CPNE4: variants seen among roughly 807,000 people sequenced by gnomAD.
CPNE4 encodes copine-4.
In CPNE4, 25 loss-of-function variants were observed where a neutral mutation model predicts 67.9. That is an observed-to-expected ratio of 0.37 (90% CI 0.27 to 0.51). The LOEUF (loss-of-function observed/expected upper bound fraction) is 0.51. Among genes scored for constraint, CPNE4 ranks in the 20% least tolerant of loss-of-function variants. The pLI is 0.93. For missense variants in CPNE4, 464 were observed against 690.8 expected (o/e 0.67, Z 3.68); for synonymous variants, 242 against 244.9 (o/e 0.99, Z 0.11).
intron 2 of CPNE4, among the ~76,000 whole-genome samples, chr3:131,784,061 T>C (rs2083491977): frequency 6.6e-6 from 1 of 152,144 alleles, no homozygotes; most frequent in African/African-American, 2.4e-5. Context: ...TTTTTAACTC[T>C]CACTTGTGCT....
At chr3:131,661,042 G>A (rs1473976838) in intron 7 of CPNE4, among the ~76,000 whole-genome samples, 2 of 152,142 alleles carry the variant, frequency 1.3e-5, no homozygotes, top group South Asian at 2.1e-4. Context: ...ATGAAGGAGA[G>A]GCAAACATTG....
At chr3:131,783,778 T>C (rs374695077) in intron 2 of CPNE4, among the ~76,000 whole-genome samples, 18 of 152,134 alleles carry the variant, frequency 1.2e-4, no homozygotes, top group East Asian at 1.2e-3. Context: ...AAAGCTGTGA[T>C]GGAAAGCAAG....
chr3:131,660,989 A>C (rs2080109983), intron 7 of CPNE4, among the ~76,000 whole-genome samples: 1 of 152,206 alleles, frequency 6.6e-6, no homozygotes, highest in South Asian at 2.1e-4. Context: ...TAAGATATGG[A>C]TGAGCCACAA....
chr3:131,939,509 T>A (rs1173679415), intron 1 of CPNE4, among the ~76,000 whole-genome samples: 2 of 130,544 alleles, frequency 1.5e-5, no homozygotes, highest in Admixed American at 8.5e-5. Flanking sequence ...TTGGAAGAGC[T>A]GGGTGGATGT....
intron 2 of CPNE4, among the ~76,000 whole-genome samples, chr3:131,868,083 GT>G (rs2087033927): frequency 6.6e-6 from 1 of 152,146 alleles, no homozygotes; most frequent in African/African-American, 2.4e-5. Context: ...AACTTGTAAA[GT>G]TTATTTGTAT....
chr3:131,606,594 T>A (rs1401202811), intron 7 of CPNE4, among the ~76,000 whole-genome samples: 1 of 152,142 alleles, frequency 6.6e-6, no homozygotes, highest in African/African-American at 2.4e-5. Flanking sequence ...TTTCTTTGGA[T>A]TACTTGGGCT....
intron 4 of CPNE4, 125 bp downstream of exon 4, chr3:131,699,776 TTTCAATAG>T (rs2081247405): frequency 1.9e-6 from 1 of 513,882 alleles, no homozygotes; most frequent in African/African-American, 1.9e-5. Context: ...AAGGGAGTGA[TTTCAATAG>T]TTCAGTAGTT....
chr3:131,914,705 G>A (rs912782397), intron 1 of CPNE4, among the ~76,000 whole-genome samples: 2 of 152,116 alleles, frequency 1.3e-5, no homozygotes, highest in Admixed American at 6.6e-5. Context: ...GGGTGGGCAC[G>A]GTGGCTCACA....
chr3:131,828,466 AT>A (rs1277853490), intron 2 of CPNE4, among the ~76,000 whole-genome samples: 1 of 152,070 alleles, frequency 6.6e-6, no homozygotes, highest in African/African-American at 2.4e-5. Context: ...TAAGCATTGG[AT>A]TTTTTCTTTT....
Position 131,808,052 on chromosome 3 carries a change from C to T in CPNE4, c.181-84427G>A, listed in dbSNP as rs370109057. On this transcript the variant is annotated intron_variant, in intron 2 of 15. Transcript: ENST00000429747. ...ACTGAAAGTAACCATAGCAGCAACA[C>T]TGAAACTCAGCTCAGCTCCTGGCTA... Among the ~76,000 whole-genome samples the T allele has an allele frequency of 6.6e-5, 10 of 152,290 alleles. No individual in the cohort carries two copies. In the East Asian group the frequency reaches 7.7e-4, roughly 12 times the overall value.
chr3:131,789,620 T>C (rs2083661309), intron 2 of CPNE4, among the ~76,000 whole-genome samples: 1 of 152,210 alleles, frequency 6.6e-6, no homozygotes, highest in Non-Finnish European at 1.5e-5. Flanking sequence ...CTGCACACTA[T>C]GTCACTGTTT....
At chr3:131,757,816 G>A (rs112971967) in intron 2 of CPNE4, among the ~76,000 whole-genome samples, 13,287 of 152,210 alleles carry the variant, frequency 0.087, 765 homozygotes, top group Non-Finnish European at 0.13. Flanking sequence ...TTGGTGCCCT[G>A]TGTCCCAACC....
At chr3:131,691,120 T>C (rs1295631065) in intron 5 of CPNE4, among the ~76,000 whole-genome samples, 2 of 152,296 alleles carry the variant, frequency 1.3e-5, no homozygotes, top group South Asian at 2.1e-4. Context: ...TGTAAATTAG[T>C]TCAGCCACTG....
At chr3:131,669,790 G>A (rs1375972962) in intron 6 of CPNE4, 26 bp from the exon 7 acceptor site, 2 of 1,527,746 alleles carry the variant, frequency 1.3e-6, no homozygotes, top group East Asian at 2.2e-5. Flanking sequence ...GAGGAGTGGT[G>A]AGTGGGGGAG....
At chr3:131,654,725 A>G (rs1426388974) in intron 7 of CPNE4, among the ~76,000 whole-genome samples, 1 of 152,092 alleles carries the variant, frequency 6.6e-6, no homozygotes, top group Non-Finnish European at 1.5e-5. Flanking sequence ...AATCCCAACA[A>G]AGAAGGAGAG....
chr3:131,616,558 A>G lies in CPNE4; in HGVS notation c.682-28976T>C, dbSNP rs184419258. On this transcript the variant is annotated intron_variant, in intron 7 of 15. Coordinates refer to ENST00000429747, the MANE Select transcript of CPNE4 (RefSeq NM_130808.3). The stretch of plus-strand genomic sequence containing the variant: ...CTAAGCAACATAAACTCCTATGAAA[A>G]GTTCCTAGTGACAGATTTGGCACAC... Among the ~76,000 whole-genome samples, 233 of 152,316 alleles carry G rather than the reference A, an allele frequency of 1.5e-3. 2 individuals are homozygous for G. Among genetic ancestry groups the G allele is most frequent in the African/African-American group, 4.4e-3 (184 of 41,574 alleles).
At chr3:131,637,788 AG>A (rs2079432246) in intron 7 of CPNE4, among the ~76,000 whole-genome samples, 1 of 152,192 alleles carries the variant, frequency 6.6e-6, no homozygotes, top group Admixed American at 6.5e-5. Context: ...GTGAGGCAAA[AG>A]CATCAGGTAA....
chr3:131,813,220 C>G (rs2084602213), intron 2 of CPNE4, among the ~76,000 whole-genome samples: 2 of 151,472 alleles, frequency 1.3e-5, no homozygotes, highest in African/African-American at 4.8e-5. Flanking sequence ...AAAATAATGG[C>G]AGATAAAATA....
In CPNE4 at chr3:131,699,956, T is replaced by C; in HGVS notation, c.385A>G (p.Lys129Glu). 1 of 1,612,474 alleles carries C rather than the reference T, an allele frequency of 6.2e-7. No homozygotes were observed. The highest frequency in any genetic ancestry group is 1.3e-5 in the African/African-American group (1 of 74,994). The change falls in exon 4 of 16, where the codon AAA (lysine) becomes GAA (glutamate). Residue 129 changes from lysine (K) to glutamate (E), a missense_variant. Transcript: ENST00000429747. ...GQIVSQRKLS[K>E]SLLKHGNTAG... ...GTGTTCCCATGCTTCAGCAAGGATT[T>C]GGACAGCTTTCTCTGGGAAACAATC...
Sources: gnomAD v4.1 joint callset for allele counts (sites outside exome capture counted in the v4.1 genomes callset) on GRCh38, gnomAD v4.1.1 for gene constraint, MANE v1.5 for transcripts, NCBI Gene and HGNC (gene_info 2026-07-23, HGNC 2026-07-21) for gene names.